IL31RA: variants seen among roughly 807,000 people sequenced by gnomAD.
The protein encoded by IL31RA is interleukin-31 receptor subunit alpha.
In IL31RA, 66 loss-of-function variants were observed where a neutral mutation model predicts 83.7. That is an observed-to-expected ratio of 0.79 (90% confidence interval 0.65 to 0.97). The LOEUF (loss-of-function observed/expected upper bound fraction) is 0.97, where lower values mean the gene tolerates loss of function less well. Among genes scored for constraint, IL31RA ranks in the 50% least tolerant of loss-of-function variants. The pLI, the probability that IL31RA is intolerant of heterozygous loss-of-function variation, is 0.00. For synonymous variants in IL31RA, 325 were observed against 329.0 expected (o/e 0.99, Z 0.13); for missense variants, 798 against 919.4 (o/e 0.87, Z 1.71).
At chr5:55,886,935 C>T (rs1278394901) in intron 5 of IL31RA, among the ~76,000 whole-genome samples, 1 of 152,220 alleles carries the variant, frequency 6.6e-6, no homozygotes, top group Non-Finnish European at 1.5e-5. Context: ...TGTCATTGCA[C>T]TTAACAGCAA....
chr5:55,876,143 C>T (rs1352177305), intron 4 of IL31RA, among the ~76,000 whole-genome samples: 1 of 152,164 alleles, frequency 6.6e-6, no homozygotes, highest in African/African-American at 2.4e-5. Context: ...CGCGGTGGCT[C>T]ATGCCTGTAA....
At chr5:55,869,628 C>T (rs983163348) in intron 3 of IL31RA, among the ~76,000 whole-genome samples, 7 of 152,078 alleles carry the variant, frequency 4.6e-5, no homozygotes, top group African/African-American at 1.7e-4. Flanking sequence ...TGCACACCAC[C>T]ATACCTGGCC....
At chr5:55,880,130 A>C (rs1251345783) in intron 4 of IL31RA, among the ~76,000 whole-genome samples, 1 of 152,356 alleles carries the variant, frequency 6.6e-6, no homozygotes, top group South Asian at 2.1e-4. Flanking sequence ...ACCTAAAAAA[A>C]TACTTATCAA....
In IL31RA at chr5:55,919,545, T is replaced by C. The variant is rs1194965207; in HGVS notation, c.*2425T>C. ...TCTTGCCCCTATCTTGTGCTTTGTT[T>C]TCCCCCACTGCCAGAGCTTCTCATC... is the stretch of plus-strand genomic sequence containing the variant. On this transcript the variant is annotated 3_prime_UTR_variant, in exon 15 of 15. Transcript: ENST00000652347. 6.6e-6 allele frequency among the ~76,000 whole-genome samples: 1 copy of C among 152,222 alleles called. No individual in the cohort carries two copies. Among genetic ancestry groups the C allele is most frequent in the Non-Finnish European group, 1.5e-5 (1 of 68,032 alleles).
upstream of IL31RA, among the ~76,000 whole-genome samples, chr5:55,848,431 T>A (rs1391908286): frequency 2.0e-5 from 3 of 152,242 alleles, no homozygotes; most frequent in Non-Finnish European, 4.4e-5. Context: ...GATTGGTTCC[T>A]GTGTCCCTTT....
intron 5 of IL31RA, among the ~76,000 whole-genome samples, chr5:55,887,103 G>A (rs73118470): frequency 0.082 from 12,438 of 152,188 alleles, 911 homozygotes; most frequent in African/African-American, 0.2. Context: ...CAACATGTCC[G>A]TTTAACAAGA....
intron 4 of IL31RA, among the ~76,000 whole-genome samples, chr5:55,873,466 G>A (rs930916946): frequency 2.0e-5 from 3 of 151,984 alleles, no homozygotes; most frequent in African/African-American, 4.8e-5. Flanking sequence ...TTAACTTTTG[G>A]TAGAACTGCT....
At chr5:55,872,524 T>C (rs772583316) in intron 4 of IL31RA, 73 bp downstream of exon 4, 12 of 1,106,698 alleles carry the variant, frequency 1.1e-5, no homozygotes, top group Non-Finnish European at 1.6e-5. Flanking sequence ...GAGGTATCTG[T>C]GGACTCAAAA....
intron 6 of IL31RA, among the ~76,000 whole-genome samples, chr5:55,893,957 G>A (rs988191000): frequency 6.6e-5 from 10 of 151,822 alleles, no homozygotes; most frequent in South Asian, 2.1e-4. Flanking sequence ...GACTACAGGT[G>A]TGTGCCACCA....
At chr5:55,889,348 C>T (rs1341297690) in intron 5 of IL31RA, among the ~76,000 whole-genome samples, 1 of 152,092 alleles carries the variant, frequency 6.6e-6, no homozygotes, top group African/African-American at 2.4e-5. Flanking sequence ...AAGAGAGTAT[C>T]AAAATTAATT....
In IL31RA at chr5:55,920,580, C is replaced by T. The variant is rs977904615; in HGVS notation, c.*3460C>T. 2.0e-5 allele frequency among the ~76,000 whole-genome samples: 3 copies of T among 152,176 alleles called. No individual in the cohort carries two copies. The highest frequency in any genetic ancestry group is 7.2e-5 in the African/African-American group (3 of 41,430). ...TGAGTAGTTTCAACACAGAGTTTTTCCCACAAAGCAGAAAACGTTTACTCT... is the reference window on the plus strand; with the variant it reads ...TGAGTAGTTTCAACACAGAGTTTTTTCCACAAAGCAGAAAACGTTTACTCT... On this transcript the variant is annotated 3_prime_UTR_variant, in exon 15 of 15. Transcript: ENST00000652347.
At chr5:55,860,963 GC>G (rs1219536390) in intron 2 of IL31RA, among the ~76,000 whole-genome samples, 3 of 152,114 alleles carry the variant, frequency 2.0e-5, no homozygotes, top group African/African-American at 7.2e-5. Context: ...ATCCCTCTGT[GC>G]CCACACAACC....
intron 3 of IL31RA, among the ~76,000 whole-genome samples, chr5:55,869,795 A>G (rs1746405672): frequency 6.6e-6 from 1 of 152,176 alleles, no homozygotes; most frequent in Admixed American, 6.5e-5. Flanking sequence ...AATTTTTAAC[A>G]TAGCTCATTA....
chr5:55,877,584 T>A (rs1477910972), intron 4 of IL31RA, among the ~76,000 whole-genome samples: 2 of 152,230 alleles, frequency 1.3e-5, no homozygotes, highest in African/African-American at 4.8e-5. Flanking sequence ...AATTTCTCCC[T>A]CATTTTTGAA....
intron 14 of IL31RA, 35 bp downstream of exon 14, chr5:55,914,963 C>T (rs1749704989): frequency 6.8e-7 from 1 of 1,479,362 alleles, no homozygotes; most frequent in South Asian, 1.1e-5. Flanking sequence ...GAAATCATTG[C>T]CGTGGGAGGT....
chr5:55,909,779 G>A (rs545327655), intron 11 of IL31RA, among the ~76,000 whole-genome samples: 15 of 150,144 alleles, frequency 1.0e-4, no homozygotes, highest in Admixed American at 6.7e-4. Flanking sequence ...ATCTTGGCTC[G>A]CTGCAACCTC....
At chr5:55,898,074 G>A (rs966026436) in intron 7 of IL31RA, among the ~76,000 whole-genome samples, 3 of 152,362 alleles carry the variant, frequency 2.0e-5, no homozygotes, top group Non-Finnish European at 2.9e-5. Flanking sequence ...CAGAGATGGC[G>A]GGGAATCCTA....
At chr5:55,856,621 G>A (rs945762501) in intron 1 of IL31RA, among the ~76,000 whole-genome samples, 4 of 152,328 alleles carry the variant, frequency 2.6e-5, no homozygotes, top group African/African-American at 7.2e-5. Flanking sequence ...GCCTTCTTCC[G>A]TTAAATTAGT....
chr5:55,872,925 A>G (rs886542435), intron 4 of IL31RA, among the ~76,000 whole-genome samples: 1 of 152,188 alleles, frequency 6.6e-6, no homozygotes, highest in African/African-American at 2.4e-5. Flanking sequence ...AATTCACATT[A>G]TATAAATTTC....
Sources: allele counts gnomAD v4.1 joint callset (sites outside exome capture counted in the v4.1 genomes callset), GRCh38; gene constraint gnomAD v4.1.1; transcripts MANE v1.5; gene names NCBI Gene and HGNC (gene_info 2026-07-23, HGNC 2026-07-21).